The following TRAK1 variants were observed in gnomAD, a reference collection of about 807,000 sequenced individuals.
TRAK1 encodes trafficking kinesin protein 1.
Under a neutral mutation model 92.1 loss-of-function variants are expected in TRAK1, and 33 were observed. The ratio of observed to expected loss-of-function variants is 0.36; its 90% confidence interval spans 0.27 to 0.48. The LOEUF (loss-of-function observed/expected upper bound fraction) is 0.48, where lower values mean the gene tolerates loss of function less well. Ranked by LOEUF, TRAK1 falls within the 20% of genes least tolerant of loss-of-function variation. The pLI, the probability that TRAK1 is intolerant of heterozygous loss-of-function variation, is 0.99. For synonymous variants in TRAK1, 521 were observed against 517.3 expected, an observed-to-expected ratio of 1.01 and a Z score of -0.10; for missense variants, 1,123 against 1,257.9, an observed-to-expected ratio of 0.89 and a Z score of 1.62.
chr3:42,180,977 G>A lies in TRAK1; in HGVS notation c.364-3708G>A, dbSNP rs546704868. Among the ~76,000 whole-genome samples the A allele has an allele frequency of 3.9e-5, 6 of 152,350 alleles. No homozygotes were observed. The South Asian group carries it at 1.2e-3, about 32-fold the overall frequency. ...TACATTTCTGGTATAGACCAGGGAA[G>A]TGTTTGTCCTTAGTGGGGCAAGAAG... On this transcript the variant is annotated intron_variant, in intron 3 of 15. Coordinates refer to ENST00000327628, the MANE Select transcript of TRAK1 (RefSeq NM_001042646.3).
chr3:42,099,357 G>C lies in TRAK1; in HGVS notation c.91+7797G>C, dbSNP rs555385596. ...TAAAGGCAAATGGGAGGAAATGAGA[G>C]GGGGAGGTGGCCCAAGGAGCCAGAG... On this transcript the variant is annotated intron_variant, in intron 1 of 15. Transcript: ENST00000327628. Among the ~76,000 whole-genome samples, 15 of 152,234 alleles carry C rather than the reference G, an allele frequency of 9.9e-5. No individual in the cohort carries two copies. In the East Asian group the frequency reaches 2.9e-3, roughly 29 times the overall value.
At chr3:42,201,625 AT>A (rs529331614) in intron 12 of TRAK1, among the ~76,000 whole-genome samples, 144 of 147,696 alleles carry the variant, frequency 9.7e-4, no homozygotes, top group African/African-American at 2.9e-3. Flanking sequence ...ATTAATGAAT[AT>A]TTTTTTTTTT....
At chr3:42,152,837 T>C (rs1251014606) in intron 2 of TRAK1, among the ~76,000 whole-genome samples, 3 of 152,198 alleles carry the variant, frequency 2.0e-5, no homozygotes, top group African/African-American at 7.2e-5. Context: ...ATAGGTAGAA[T>C]GGCAGAAAGA....
chr3:42,117,786 C>T (rs773250945), intron 1 of TRAK1, among the ~76,000 whole-genome samples: 3 of 151,810 alleles, frequency 2.0e-5, no homozygotes, highest in Non-Finnish European at 4.4e-5. Context: ...GATAGGCTGA[C>T]TTCTTCTGAG....
chr3:42,025,771 G>A (rs1701890459), intron 1 of TRAK1, among the ~76,000 whole-genome samples: 1 of 152,166 alleles, frequency 6.6e-6, no homozygotes, highest in Admixed American at 6.5e-5. Context: ...CGTGGGTGGT[G>A]AGCTCATTAG....
At position 42,223,663 on chromosome 3, in the gene TRAK1, A is replaced by G; in HGVS notation, c.2788A>G (p.Met930Val). ...FPTMVGSSMQMKAPVTLTSGI... is the reference protein window; with the variant it reads ...FPTMVGSSMQVKAPVTLTSGI... ...CACCATGGTGGGATCTAGCATGCAG[A>G]TGAAAGCTCCTGTGACTCTCACCTC... Residue 930 changes from methionine to valine, a missense_variant, in exon 16 of 16, where the codon ATG (methionine) becomes GTG (valine). Around this residue, in one of 3 missense-constraint regions of TRAK1, gnomAD observed 401 missense variants for 438.9 expected, o/e 0.91. Coordinates refer to ENST00000327628, the MANE Select transcript of TRAK1 (RefSeq NM_001042646.3). This position sits in a 1 kb window ranked among gnomAD's most constrained non-coding sequence, Gnocchi z 6.1. 1 of 1,614,044 alleles carries G rather than the reference A, an allele frequency of 6.2e-7. No individual in the cohort carries two copies. Among genetic ancestry groups the G allele is most frequent in the Non-Finnish European group, 8.5e-7 (1 of 1,179,988 alleles).
At chr3:42,210,403 T>TAA in intron 14 of TRAK1, 531 of 1,075,312 alleles carry the variant, frequency 4.9e-4, no homozygotes, top group Admixed American at 9.8e-4. Context: ...GAAAGGCTGC[T>TAA]AAAAAAAAAA....
chr3:42,110,667 G>C (rs1708266395), intron 1 of TRAK1, among the ~76,000 whole-genome samples: 1 of 152,152 alleles, frequency 6.6e-6, no homozygotes, highest in Non-Finnish European at 1.5e-5. Flanking sequence ...CAAGCTTTTT[G>C]TGGCCCAGGA....
intron 1 of TRAK1, among the ~76,000 whole-genome samples, chr3:42,098,725 G>T (rs1002631906): frequency 6.6e-6 from 1 of 152,194 alleles, no homozygotes; most frequent in Admixed American, 6.5e-5. Flanking sequence ...CTATCATGGT[G>T]TTGGAAAAGA....
chr3:42,077,694 T>C (rs879496047), intron 1 of TRAK1, among the ~76,000 whole-genome samples: 12 of 152,242 alleles, frequency 7.9e-5, no homozygotes, highest in African/African-American at 2.2e-4. Flanking sequence ...CTAGGTATTT[T>C]GTTCTTTTTG....
chr3:42,133,518 G>T (rs979202053), intron 2 of TRAK1, among the ~76,000 whole-genome samples: 7 of 152,152 alleles, frequency 4.6e-5, no homozygotes, highest in Admixed American at 4.6e-4. Flanking sequence ...GCTGTGCCCA[G>T]CTTCTTTTCT....
chr3:42,063,800 T>C (rs1018630822), intron 1 of TRAK1, among the ~76,000 whole-genome samples: 8 of 152,190 alleles, frequency 5.3e-5, no homozygotes, highest in African/African-American at 1.9e-4. Context: ...TGAAAGTTCT[T>C]ACCATACTCC....
At chr3:42,111,399 C>CTT (rs137998949) in intron 1 of TRAK1, among the ~76,000 whole-genome samples, 53 of 145,462 alleles carry the variant, frequency 3.6e-4, no homozygotes, top group South Asian at 1.3e-3. Flanking sequence ...TATGATAATC[C>CTT]TTTTTTTTTT....
intron 1 of TRAK1, among the ~76,000 whole-genome samples, chr3:42,067,657 A>T (rs1703734608): frequency 6.6e-6 from 1 of 151,382 alleles, no homozygotes; most frequent in African/African-American, 2.4e-5. Context: ...CGGCAATGTG[A>T]TCCTGGTGGA....
At chr3:42,211,269 T>G (rs1452875855) in intron 14 of TRAK1, 4 of 985,276 alleles carry the variant, frequency 4.1e-6, no homozygotes, top group East Asian at 1.1e-4. Context: ...GGTCAAGGGA[T>G]TTTACTTGGG....
chr3:42,140,725 G>A (rs538417651), intron 2 of TRAK1, among the ~76,000 whole-genome samples: 1 of 152,358 alleles, frequency 6.6e-6, no homozygotes, highest in Admixed American at 6.5e-5. Flanking sequence ...AGTCCTGCTT[G>A]TAAGGCTGTC....
At chr3:42,151,971 TCA>T (rs1051179761) in intron 2 of TRAK1, among the ~76,000 whole-genome samples, 4 of 152,242 alleles carry the variant, frequency 2.6e-5, no homozygotes, top group African/African-American at 9.6e-5. Context: ...AGCTACTGAC[TCA>T]CACTTAAATT....
rs1282777478 is a variant in TRAK1, at chr3:42,191,502, C to T, written c.691-56C>T. ...CTTTGCTTTATGCCTCAGCCCTTGC[C>T]TGCACCACCAGGCCAGGTGAGAATG... On this transcript the variant is annotated intron_variant, in intron 6 of 15. Coordinates refer to ENST00000327628, the MANE Select transcript of TRAK1 (RefSeq NM_001042646.3). The T allele has an allele frequency of 3.9e-6, 6 of 1,529,962 alleles. No individual in the cohort carries two copies. In the South Asian group the frequency reaches 6.0e-5, roughly 15 times the overall value. 94.8% of individuals were successfully genotyped at this position (1,529,962 alleles called of 1,614,324 possible). A position where few individuals can be genotyped will look rare whatever the true frequency, so the allele number is the denominator to read the frequency against.
chr3:42,143,877 T>C (rs17069429), intron 2 of TRAK1, among the ~76,000 whole-genome samples: 4,837 of 152,306 alleles, frequency 0.032, 296 homozygotes, highest in African/African-American at 0.11. Context: ...CAGATTACTT[T>C]GTCTTTCCAA....
Sources: gnomAD v4.1 joint callset for allele counts (sites outside exome capture counted in the v4.1 genomes callset) on GRCh38, gnomAD v4.1.1 for gene constraint, gnomAD v4.1.1 regional missense constraint, Gnocchi (gnomAD v3.1) non-coding constraint, MANE v1.5 for transcripts, NCBI Gene and HGNC (gene_info 2026-07-23, HGNC 2026-07-21) for gene names.